Variants in LATS1 observed in about 807,000 individuals in gnomAD.
The protein encoded by LATS1 is serine/threonine-protein kinase LATS1.
Under a neutral mutation model 106.6 loss-of-function variants are expected in LATS1, and 25 were observed. The observed-to-expected ratio is 0.23, with a 90% CI of 0.17 to 0.33. LATS1 has a LOEUF of 0.33. Among genes scored for constraint, LATS1 ranks in the 10% least tolerant of loss-of-function variants. The probability of loss-of-function intolerance (pLI) is 1.00; values close to 1 mark genes in which losing one functional copy is unlikely to be tolerated. For missense variants in LATS1, 1,040 were observed against 1,382.6 expected (o/e 0.75, Z 3.93); for synonymous variants, 465 against 455.6 (o/e 1.02, Z -0.26).
intron 7 of LATS1, among the ~76,000 whole-genome samples, chr6:149,666,342 G>T (rs528810254): frequency 6.6e-6 from 1 of 151,912 alleles, no homozygotes; most frequent in East Asian, 1.9e-4. Context: ...TATAGGCCGG[G>T]TGCGGTGGCT....
At chr6:149,697,301 T>C in intron 2 of LATS1, 1 of 496,936 alleles carries the variant, frequency 2.0e-6, no homozygotes, top group Non-Finnish European at 3.6e-6. Flanking sequence ...CTGATTTTGT[T>C]GGAAGCAGCA....
intron 1 of LATS1, among the ~76,000 whole-genome samples, chr6:149,705,660 T>C (rs1186923036): frequency 1.3e-5 from 2 of 152,102 alleles, no homozygotes; most frequent in Non-Finnish European, 2.9e-5. Flanking sequence ...TTTGCTTCCA[T>C]TTCCCTATAA....
At chr6:149,684,822 A>G (rs1782271897) in intron 3 of LATS1, among the ~76,000 whole-genome samples, 1 of 152,200 alleles carries the variant, frequency 6.6e-6, no homozygotes, top group Non-Finnish European at 1.5e-5. Flanking sequence ...TATTCTCACT[A>G]CAAAAAAATG....
rs1266159111 is a variant in LATS1 at position 149,659,562 on chromosome 6, C to T, written c.*2167G>A. 4.3e-6 allele frequency: 1 copy of T among 230,594 alleles called. No homozygotes were observed. The highest frequency in any genetic ancestry group is 8.6e-6 in the Non-Finnish European group (1 of 116,510). The allele number at this position is 230,594 out of a possible 1,614,324, so 14.3% of individuals were successfully genotyped here. A position where few individuals can be genotyped will look rare whatever the true frequency, so the allele number is the denominator to read the frequency against. On this transcript the variant is annotated 3_prime_UTR_variant, in exon 8 of 8. Coordinates refer to ENST00000543571, the MANE Select transcript of LATS1 (RefSeq NM_004690.4). ...GGAAGGGAAGGGGGAGGAGACAGCA[C>T]CTTAGTTTTCCTACAACATAAATGT...
intron 7 of LATS1, among the ~76,000 whole-genome samples, chr6:149,664,307 T>C (rs949622425): frequency 6.7e-6 from 1 of 150,226 alleles, no homozygotes; most frequent in African/African-American, 2.5e-5. Context: ...ATCAAAGGAA[T>C]AGCACATGTA....
chr6:149,669,033 A>G (rs987945298), intron 7 of LATS1, among the ~76,000 whole-genome samples: 6 of 151,830 alleles, frequency 4.0e-5, no homozygotes, highest in African/African-American at 1.2e-4. Flanking sequence ...ATGTTGCCCA[A>G]GCCGATCTCA....
intron 5 of LATS1, among the ~76,000 whole-genome samples, chr6:149,678,653 A>G (rs1781864947): frequency 6.6e-6 from 1 of 152,246 alleles, no homozygotes; most frequent in Admixed American, 6.5e-5. Flanking sequence ...CCTAGTACAT[A>G]GTATTTAACA....
At chr6:149,665,627 C>T (rs1264085687) in intron 7 of LATS1, among the ~76,000 whole-genome samples, 1 of 152,026 alleles carries the variant, frequency 6.6e-6, no homozygotes, top group East Asian at 1.9e-4. Context: ...CTGCTGGGCT[C>T]CCCCTCCAAA....
chr6:149,697,168 C>G (rs776353497), intron 2 of LATS1: 12 of 1,338,516 alleles, frequency 9.0e-6, no homozygotes, highest in Non-Finnish European at 1.2e-5. Context: ...GGTGAACAGG[C>G]TACTGACAGA....
intron 2 of LATS1, among the ~76,000 whole-genome samples, 175 bp downstream of exon 2, chr6:149,701,603 AT>A (rs1783466144): frequency 6.6e-6 from 1 of 152,198 alleles, no homozygotes; most frequent in South Asian, 2.1e-4. Context: ...AAGAAATATT[AT>A]TTTTAATAGT....
intron 7 of LATS1, among the ~76,000 whole-genome samples, chr6:149,670,189 AAAAAG>A (rs1164555654): frequency 0.26 from 25,567 of 98,540 alleles, 3,639 homozygotes; most frequent in East Asian, 0.54. Flanking sequence ...AAAAAAAAAA[AAAAAG>A]AAAAGAAAAG....
chr6:149,687,099 T>TTA (rs1782423331), intron 3 of LATS1, among the ~76,000 whole-genome samples: 1 of 151,800 alleles, frequency 6.6e-6, no homozygotes, highest in African/African-American at 2.4e-5. Context: ...ATTTTTATTT[T>TTA]TTTTTTTTTG....
intron 7 of LATS1, among the ~76,000 whole-genome samples, chr6:149,665,432 C>T (rs1781088223): frequency 6.6e-6 from 1 of 152,154 alleles, no homozygotes; most frequent in Non-Finnish European, 1.5e-5. Flanking sequence ...CGTTTTCTCT[C>T]TGTGTCCTTT....
Position 149,684,058 on chromosome 6 carries a change from C to T in LATS1, c.1031G>A (p.Arg344Lys). The part of the protein sequence containing the change: ...SSSKFNFPSG[R>K]PGMQNGTGQT... Reference sequence around the variant, plus strand: ...TCCAGTACCATTCTGCATTCCAGGTCTCCCTGATGGAAAGTTAAATTTGCT... The same window carrying T: ...TCCAGTACCATTCTGCATTCCAGGTTTCCCTGATGGAAAGTTAAATTTGCT... The change falls in exon 4 of 8, where the codon AGA becomes AAA. Residue 344 changes from arginine to lysine, a missense_variant. Around this residue, in one of 7 missense-constraint regions of LATS1, gnomAD observed 624 missense variants for 714.8 expected, o/e 0.87. Coordinates refer to ENST00000543571, the MANE Select transcript of LATS1 (RefSeq NM_004690.4). 1 of 1,614,108 alleles carries T rather than the reference C, an allele frequency of 6.2e-7. No individual in the cohort carries two copies.
At chr6:149,689,124 C>A (rs1002577016) in intron 3 of LATS1, among the ~76,000 whole-genome samples, 6 of 151,712 alleles carry the variant, frequency 4.0e-5, no homozygotes, top group Non-Finnish European at 8.8e-5. Flanking sequence ...GCTGAGATAG[C>A]GCCACTGCAC....
At chr6:149,667,548 A>C (rs1781223191) in intron 7 of LATS1, among the ~76,000 whole-genome samples, 1 of 152,030 alleles carries the variant, frequency 6.6e-6, no homozygotes, top group Non-Finnish European at 1.5e-5. Context: ...ATATAAGTAG[A>C]ACTTCAGGAA....
Position 149,695,230 on chromosome 6 carries a change from A to T in LATS1, c.349-9T>A. ...GCTTGTATAACCATATCCTGATATG[A>T]ATTGAAGTTTAAAAAAAAAGAAACA... On this transcript the variant is annotated splice_polypyrimidine_tract_variant and intron_variant, in intron 2 of 7. Transcript: ENST00000543571. 6.4e-7 allele frequency: 1 copy of T among 1,552,556 alleles called. No homozygotes were observed. Among genetic ancestry groups the T allele is most frequent in the East Asian group, 2.3e-5 (1 of 44,164 alleles).
chr6:149,665,774 A>C (rs1781111653), intron 7 of LATS1, among the ~76,000 whole-genome samples: 1 of 152,204 alleles, frequency 6.6e-6, no homozygotes, highest in South Asian at 2.1e-4. Context: ...AAATCAAAAA[A>C]GACTGGTTGG....
chr6:149,678,172 A>C (rs1346729994), intron 5 of LATS1, among the ~76,000 whole-genome samples: 3 of 141,442 alleles, frequency 2.1e-5, no homozygotes, highest in East Asian at 2.1e-4. Flanking sequence ...TCCAAAAAAA[A>C]AAAAAAAAAA....
Sources: gnomAD v4.1 joint callset for allele counts (sites outside exome capture counted in the v4.1 genomes callset) on GRCh38, gnomAD v4.1.1 for gene constraint, gnomAD v4.1.1 regional missense constraint, MANE v1.5 for transcripts, NCBI Gene and HGNC (gene_info 2026-07-23, HGNC 2026-07-21) for gene names.